Variants in ARID2 observed in about 807,000 individuals in gnomAD.
The protein encoded by ARID2 is AT-rich interaction domain 2, also known as AT-rich interactive domain-containing protein 2.
ARID2 carries 32 observed loss-of-function variants against 184.6 expected under a neutral mutation model. The observed-to-expected ratio is 0.17, with a 90% CI of 0.13 to 0.23. The LOEUF is 0.23. Among genes scored for constraint, ARID2 ranks in the 10% least tolerant of loss-of-function variants. The probability of loss-of-function intolerance (pLI) is 1.00; values close to 1 mark genes in which losing one functional copy is unlikely to be tolerated. For synonymous variants in ARID2, 836 were observed against 772.6 expected, an observed-to-expected ratio of 1.08 and a Z score of -1.36; for missense variants, 1,696 against 2,197.6, an observed-to-expected ratio of 0.77 and a Z score of 4.56.
chr12:45,855,572 G>T (rs530331677), intron 15 of ARID2, among the ~76,000 whole-genome samples: 1 of 152,208 alleles, frequency 6.6e-6, no homozygotes, highest in Non-Finnish European at 1.5e-5. Context: ...TACCTATTGG[G>T]GCTAAATATT....
chr12:45,871,524 G>C (rs1943925228), intron 16 of ARID2, among the ~76,000 whole-genome samples: 1 of 151,970 alleles, frequency 6.6e-6, no homozygotes, highest in Admixed American at 6.6e-5. Flanking sequence ...TTTTTCCTGA[G>C]GATGTTCTCC....
chr12:45,740,530 A>C (rs1565578392), intron 3 of ARID2, among the ~76,000 whole-genome samples: 2 of 152,130 alleles, frequency 1.3e-5, no homozygotes, highest in Non-Finnish European at 2.9e-5. Context: ...TATTCATTGG[A>C]TATTATTACA....
intron 3 of ARID2, among the ~76,000 whole-genome samples, chr12:45,771,964 A>G (rs745540188): frequency 6.6e-6 from 1 of 152,100 alleles, no homozygotes; most frequent in Non-Finnish European, 1.5e-5. Context: ...TAACATTTAT[A>G]GATGTATAAA....
At chr12:45,771,028 G>T (rs554409625) in intron 3 of ARID2, among the ~76,000 whole-genome samples, 136 of 152,194 alleles carry the variant, frequency 8.9e-4, no homozygotes, top group Non-Finnish European at 1.7e-3. Flanking sequence ...ACTGAAAGCC[G>T]GCGATCCCAC....
At chr12:45,763,329 G>A (rs534288497) in intron 3 of ARID2, among the ~76,000 whole-genome samples, 5 of 152,062 alleles carry the variant, frequency 3.3e-5, no homozygotes, top group Admixed American at 6.6e-5. Context: ...AATTAGCCGG[G>A]CGTGGAGGCA....
intron 4 of ARID2, among the ~76,000 whole-genome samples, chr12:45,816,883 G>C (rs1942813238): frequency 6.6e-6 from 1 of 152,184 alleles, no homozygotes; most frequent in Non-Finnish European, 1.5e-5. Flanking sequence ...CTAGTGGTAG[G>C]GGATGGAATT....
intron 4 of ARID2, among the ~76,000 whole-genome samples, chr12:45,815,349 G>A (rs1164572704): frequency 6.6e-6 from 1 of 151,948 alleles, no homozygotes; most frequent in African/African-American, 2.4e-5. Context: ...TCATTTATAA[G>A]GATTATCAAA....
chr12:45,729,736 G>C lies in ARID2; in HGVS notation c.-101G>C. The C allele has an allele frequency of 8.2e-7, 1 of 1,213,884 alleles. No homozygotes were observed. The highest frequency in any genetic ancestry group is 1.4e-5 in the South Asian group (1 of 72,544). The allele number at this position is 1,213,884 out of a possible 1,614,324, so 75.2% of individuals were successfully genotyped here. A position where few individuals can be genotyped will look rare whatever the true frequency, so the allele number is the denominator to read the frequency against. ...CCCATGACTGAGCCCCGCCGCCGCC[G>C]GCCGAGGAATGGGCTCCGGGCTCTG... On this transcript the variant is annotated 5_prime_UTR_variant, in exon 1 of 21. Coordinates refer to ENST00000334344, the MANE Select transcript of ARID2 (RefSeq NM_152641.4).
At chr12:45,849,006 C>A in intron 13 of ARID2, 36 bp downstream of exon 13, 2 of 1,587,638 alleles carry the variant, frequency 1.3e-6, no homozygotes, top group South Asian at 1.1e-5. Context: ...AGTCCATTTA[C>A]GTCACTTACA....
chr12:45,742,229 A>G (rs1371666771), intron 3 of ARID2, among the ~76,000 whole-genome samples: 3 of 152,224 alleles, frequency 2.0e-5, no homozygotes, highest in East Asian at 3.8e-4. Flanking sequence ...GACTGCATAT[A>G]TGACTGTGTT....
chr12:45,899,176 G>A (rs1944410253), intron 20 of ARID2, among the ~76,000 whole-genome samples: 1 of 148,836 alleles, frequency 6.7e-6, no homozygotes, highest in South Asian at 2.1e-4. Flanking sequence ...GGAGGCTGAG[G>A]CAGGAGAATC....
chr12:45,832,677 G>T (rs963380910), intron 6 of ARID2, among the ~76,000 whole-genome samples: 2 of 151,918 alleles, frequency 1.3e-5, no homozygotes, highest in Admixed American at 1.3e-4. Context: ...TTACAGTCTG[G>T]TCTCTGAATC....
chr12:45,856,070 T>TTA (rs1178045057), intron 15 of ARID2, among the ~76,000 whole-genome samples: 1 of 121,348 alleles, frequency 8.2e-6, no homozygotes, highest in Non-Finnish European at 1.7e-5. Flanking sequence ...TTCTTTTCTT[T>TTA]TTTTTTTTTT....
intron 3 of ARID2, among the ~76,000 whole-genome samples, chr12:45,796,219 A>G (rs1252638441): frequency 6.6e-6 from 1 of 151,990 alleles, no homozygotes; most frequent in Non-Finnish European, 1.5e-5. Flanking sequence ...TTCACTTACA[A>G]ATATTTAAAT....
At chr12:45,786,956 A>G (rs1191300624) in intron 3 of ARID2, among the ~76,000 whole-genome samples, 1 of 152,202 alleles carries the variant, frequency 6.6e-6, no homozygotes, top group East Asian at 1.9e-4. Flanking sequence ...AAAACAAAAT[A>G]GAATGGTGAT....
At chr12:45,897,646 T>G (rs965191347) in intron 20 of ARID2, among the ~76,000 whole-genome samples, 1 of 152,142 alleles carries the variant, frequency 6.6e-6, no homozygotes, top group African/African-American at 2.4e-5. Flanking sequence ...AATTGAAAGA[T>G]ATGTTTACAC....
chr12:45,825,021 C>T (rs1298681901), intron 6 of ARID2, among the ~76,000 whole-genome samples: 2 of 151,762 alleles, frequency 1.3e-5, no homozygotes, highest in East Asian at 1.9e-4. Context: ...TGTTCTCACT[C>T]GTATGTGGGA....
intron 3 of ARID2, among the ~76,000 whole-genome samples, chr12:45,801,269 G>A (rs1029527232): frequency 1.1e-4 from 16 of 151,030 alleles, no homozygotes; most frequent in Middle Eastern, 3.5e-3. Flanking sequence ...CCGAGATAGC[G>A]CCACTGCAGT....
chr12:45,810,261 C>G (rs1419997595), intron 3 of ARID2, among the ~76,000 whole-genome samples: 6 of 152,150 alleles, frequency 3.9e-5, no homozygotes. Flanking sequence ...GGAAATCTTA[C>G]TATAAACTGG....
Sources: allele counts gnomAD v4.1 joint callset (sites outside exome capture counted in the v4.1 genomes callset), GRCh38; gene constraint gnomAD v4.1.1; transcripts MANE v1.5; gene names NCBI Gene and HGNC (gene_info 2026-07-23, HGNC 2026-07-21).